The following TBC1D25 variants were observed in gnomAD, a reference collection of about 807,000 sequenced individuals.
TBC1D25 encodes 5SN3 snoRNA.
A neutral mutation model predicts 38.8 loss-of-function variants in TBC1D25; 13 were observed. That is an observed-to-expected ratio of 0.34 (90% CI 0.22 to 0.53). TBC1D25 has a LOEUF of 0.53. TBC1D25 is among the 20% of genes least tolerant of loss of function. The pLI, the probability that TBC1D25 is intolerant of heterozygous loss-of-function variation, is 0.94. For missense variants in TBC1D25, 372 were observed against 600.0 expected (o/e 0.62, Z 3.97); for synonymous variants, 225 against 255.6 (o/e 0.88, Z 1.14).
chrX:48,547,993 G>C (rs1224140441), intron 3 of TBC1D25, among the ~76,000 whole-genome samples: 2 of 108,166 alleles, frequency 1.8e-5, no homozygotes, highest in African/African-American at 6.7e-5. Flanking sequence ...GCACAACATC[G>C]GTCTGTTTCT....
At chrX:48,547,569 G>A (rs782321844) in intron 3 of TBC1D25, among the ~76,000 whole-genome samples, 1 of 112,162 alleles carries the variant, frequency 8.9e-6, no homozygotes, top group Non-Finnish European at 1.9e-5. Context: ...CATGAGAACT[G>A]GGACGAATGC....
intron 3 of TBC1D25, among the ~76,000 whole-genome samples, chrX:48,548,373 C>T (rs1384119070): frequency 9.0e-6 from 1 of 110,808 alleles, no homozygotes; most frequent in Non-Finnish European, 1.9e-5. Context: ...GCCTCAGCCT[C>T]CCAAAGTGCT....
chrX:48,547,763 C>A (rs946213609), intron 3 of TBC1D25, among the ~76,000 whole-genome samples: 92 of 110,998 alleles, frequency 8.3e-4, no homozygotes, highest in African/African-American at 3.0e-3. Flanking sequence ...CATGGCGAAA[C>A]CCTGTCTCTA....
intron 3 of TBC1D25, among the ~76,000 whole-genome samples, chrX:48,555,550 T>C (rs1556984289): frequency 9.0e-6 from 1 of 111,666 alleles, no homozygotes; most frequent in Non-Finnish European, 1.9e-5. Context: ...TCCACACTTG[T>C]GGGTATTTCT....
rs782596872 is a variant in TBC1D25, at chrX:48,550,767, C to T, written c.388+5744C>T. Among the ~76,000 whole-genome samples, 6 of 110,533 alleles carry T rather than the reference C, an allele frequency of 5.4e-5. No homozygotes were observed. In the East Asian group the frequency reaches 1.4e-3, roughly 26 times the overall value. Reference sequence around the variant, plus strand: ...CTCCACCTCCTGGGTTCACGCCATTCTCCTGCCTCAGTCTCCCAAGTAGCT... The same window carrying T: ...CTCCACCTCCTGGGTTCACGCCATTTTCCTGCCTCAGTCTCCCAAGTAGCT... On this transcript the variant is annotated intron_variant, in intron 3 of 5. Transcript: ENST00000376771.
chrX:48,550,433 C>A (rs782158614), intron 3 of TBC1D25, among the ~76,000 whole-genome samples: 9,656 of 111,169 alleles, frequency 0.087, 347 homozygotes, highest in Middle Eastern at 0.16. Context: ...TTGTCTACTG[C>A]TGTGCTAACA....
intron 3 of TBC1D25, among the ~76,000 whole-genome samples, chrX:48,547,589 A>G (rs1556982131): frequency 8.9e-6 from 1 of 112,247 alleles, no homozygotes; most frequent in African/African-American, 3.2e-5. Context: ...CCAGTAAAGC[A>G]GAGAGACAGA....
At chrX:48,545,973 G>T (rs1360996613) in intron 3 of TBC1D25, among the ~76,000 whole-genome samples, 1 of 111,022 alleles carries the variant, frequency 9.0e-6, no homozygotes. Context: ...ACTTTGGGAG[G>T]CTGAGGCAGG....
chrX:48,544,768 GTTTTCAACGCC>G, intron 2 of TBC1D25, 90 bp from the exon 3 acceptor site: 1 of 1,058,022 alleles, frequency 9.5e-7, no homozygotes, highest in African/African-American at 1.9e-5. Context: ...GTAGGAAGTT[GTTTTCAACGCC>G]TTCTATATTA....
intron 2 of TBC1D25, among the ~76,000 whole-genome samples, chrX:48,542,610 C>T (rs1836478212): frequency 9.3e-6 from 1 of 107,999 alleles, no homozygotes; most frequent in Non-Finnish European, 1.9e-5. Flanking sequence ...GCCTCAGCCT[C>T]CAGAGTAGCT....
rs1276817931 is a variant in TBC1D25 at position 48,560,685 on chromosome X, C to T, written c.1777C>T (p.Pro593Ser). 8 of 1,210,253 alleles carry T rather than the reference C, an allele frequency of 6.6e-6. No individual in the cohort carries two copies. The highest frequency in any genetic ancestry group is 8.9e-6 in the Non-Finnish European group (8 of 895,242). ...LMQEVGSPKD[P>S]GKSLPPVPPM... ...GCAAGAGGTAGGCTCCCCGAAAGAC[C>T]CTGGAAAGTCCCTGCCACCTGTACC... The change falls in exon 6 of 6, where the codon CCT (proline) becomes TCT (serine). Residue 593 changes from proline to serine, a missense_variant. By Grantham distance (74) the Pro-to-Ser change is moderately conservative. Coordinates refer to ENST00000376771, the MANE Select transcript of TBC1D25 (RefSeq NM_002536.4).
chrX:48,546,893 T>C (rs2061891186), intron 3 of TBC1D25, among the ~76,000 whole-genome samples: 1 of 112,248 alleles, frequency 8.9e-6, no homozygotes, highest in African/African-American at 3.2e-5. Context: ...GTGTATTCTT[T>C]TAACTTTATT....
In TBC1D25 at chrX:48,549,050, T is replaced by C. The variant is rs369355556; in HGVS notation, c.388+4027T>C. Reference sequence around the variant, plus strand: ...TTGACCAATTTGTACTTTTCCGATATGAATCTTTTTTCTTTTTGAGACTCT... The same window carrying C: ...TTGACCAATTTGTACTTTTCCGATACGAATCTTTTTTCTTTTTGAGACTCT... On this transcript the variant is annotated intron_variant, in intron 3 of 5. Transcript: ENST00000376771. 1.1e-4 allele frequency among the ~76,000 whole-genome samples: 12 copies of C among 112,193 alleles called. No homozygotes were observed. In the East Asian group the frequency reaches 2.2e-3, roughly 21 times the overall value.
At chrX:48,559,530 G>T in intron 5 of TBC1D25, 84 bp from the exon 6 acceptor site, 4 of 1,141,342 alleles carry the variant, frequency 3.5e-6, no homozygotes, top group Non-Finnish European at 3.5e-6. Flanking sequence ...GAGGCCCAAG[G>T]GGGGTGGGTG....
chrX:48,541,992 G>T (rs782200534), intron 2 of TBC1D25, among the ~76,000 whole-genome samples: 3 of 108,084 alleles, frequency 2.8e-5, no homozygotes, highest in Admixed American at 1.0e-4. Context: ...TGTTTGGTAG[G>T]ATAAATGTGT....
At position 48,541,345 on chromosome X, in the gene TBC1D25, T is replaced by G. The variant is rs1191349665; in HGVS notation, c.136T>G (p.Phe46Val). The G allele has an allele frequency of 1.2e-5, 14 of 1,209,867 alleles. No individual in the cohort carries two copies. The highest frequency in any genetic ancestry group is 1.6e-5 in the Non-Finnish European group (14 of 895,203). The part of the protein sequence containing the change: ...VRVRVKKCES[F>V]LPPEFRSFAV... ...CTTCTCTCCCCAGAAATGTGAGAGC[T>G]TCTTGCCGCCAGAGTTCCGCTCTTT... The change falls in exon 2 of 6, where the codon TTC becomes GTC. Residue 46 changes from phenylalanine (F) to valine (V), a missense_variant. By Grantham distance (50) the Phe-to-Val change is conservative (BLOSUM62 -1). Around this residue, in one of 2 missense-constraint regions of TBC1D25, gnomAD observed 60 missense variants for 50.7 expected, o/e 1.18. Coordinates refer to ENST00000376771, the MANE Select transcript of TBC1D25 (RefSeq NM_002536.4).
At chrX:48,548,111 GGTTTTTTTTTT>G (rs1465163252) in intron 3 of TBC1D25, among the ~76,000 whole-genome samples, 6 of 108,518 alleles carry the variant, frequency 5.5e-5, no homozygotes, top group Admixed American at 2.0e-4. Flanking sequence ...TGGTTTTGAG[GGTTTTTTTTTT>G]GTTTTTTTTT....
chrX:48,544,032 A>G (rs1556981003), intron 2 of TBC1D25, among the ~76,000 whole-genome samples: 1 of 112,009 alleles, frequency 8.9e-6, no homozygotes, highest in East Asian at 2.8e-4. Context: ...CAGATGTGAT[A>G]GTCATTTTGT....
At chrX:48,545,746 C>G (rs1268617132) in intron 3 of TBC1D25, among the ~76,000 whole-genome samples, 3 of 112,305 alleles carry the variant, frequency 2.7e-5, no homozygotes, top group African/African-American at 9.7e-5. Flanking sequence ...CAGAATACCA[C>G]AGACTGAGGA....
Sources: gnomAD v4.1 joint callset for allele counts (sites outside exome capture counted in the v4.1 genomes callset) on GRCh38, gnomAD v4.1.1 for gene constraint, gnomAD v4.1.1 regional missense constraint, MANE v1.5 for transcripts, NCBI Gene and HGNC (gene_info 2026-07-23, HGNC 2026-07-21) for gene names.